The following ECM2 variants were observed in gnomAD, a reference collection of about 807,000 sequenced individuals.
The protein encoded by ECM2 is extracellular matrix protein 2, also known as extracellular matrix protein 2, female organ and adipocyte specific.
Under a neutral mutation model 67.5 loss-of-function variants are expected in ECM2, and 57 were observed. The ratio of observed to expected loss-of-function variants is 0.84; its 90% CI spans 0.68 to 1.05. The LOEUF (loss-of-function observed/expected upper bound fraction) is 1.05. ECM2 is among the 50% of genes least tolerant of loss of function. The pLI is 0.00. For synonymous variants in ECM2, 258 were observed against 294.5 expected (o/e 0.88, Z 1.27); for missense variants, 741 against 822.8 (o/e 0.90, Z 1.22).
At chr9:92,549,291 A>G in the ECM2 span, among the ~76,000 whole-genome samples, 1 of 152,178 alleles carries the variant, frequency 6.6e-6, no homozygotes, top group Non-Finnish European at 1.5e-5. Context: ...TCTCATAACC[A>G]AAACTGTCCA....
chr9:92,498,152 G>C (rs1846463958), intron 9 of ECM2, among the ~76,000 whole-genome samples: 1 of 152,232 alleles, frequency 6.6e-6, no homozygotes, highest in Non-Finnish European at 1.5e-5. Flanking sequence ...CTGCCCTTTT[G>C]TGTAATAATT....
chr9:92,557,349 G>A, the ECM2 span, among the ~76,000 whole-genome samples: 4 of 152,178 alleles, frequency 2.6e-5, no homozygotes, highest in Non-Finnish European at 5.9e-5. Context: ...TGTGCTTCTT[G>A]TATTTGGATG....
At chr9:92,522,495 C>G in intron 2 of ECM2, 80 bp downstream of exon 2, 1 of 1,312,134 alleles carries the variant, frequency 7.6e-7, no homozygotes, top group Non-Finnish European at 1.0e-6. Context: ...TTCTCCCTCT[C>G]TCCCTCTCTC....
the ECM2 span, among the ~76,000 whole-genome samples, chr9:92,548,953 G>A: frequency 2.0e-5 from 3 of 152,174 alleles, no homozygotes; most frequent in East Asian, 5.8e-4. Flanking sequence ...TCCTGAAGAA[G>A]AACAAGGCTA....
intron 1 of ECM2, among the ~76,000 whole-genome samples, chr9:92,531,478 A>C (rs1848746358): frequency 1.3e-5 from 2 of 152,124 alleles, no homozygotes; most frequent in Admixed American, 6.6e-5. Flanking sequence ...TATTTTGTCA[A>C]AGTTTATTTA....
At chr9:92,538,850 G>A (rs72754446), upstream of ECM2, among the ~76,000 whole-genome samples, 6,061 of 152,270 alleles carry the variant, frequency 0.04, 185 homozygotes, top group South Asian at 0.099. Context: ...TGCCTATGAA[G>A]ATTTAGACTC....
upstream of ECM2, chr9:92,538,983 T>C (rs1444983709): frequency 6.6e-6 from 1 of 152,182 alleles, no homozygotes; most frequent in East Asian, 1.9e-4. Flanking sequence ...TATGACAGCT[T>C]TGTAGATATT....
the ECM2 span, among the ~76,000 whole-genome samples, chr9:92,552,188 T>TACACACAC: frequency 5.0e-5 from 5 of 100,124 alleles, no homozygotes; most frequent in South Asian, 2.9e-4. Context: ...AGATCTATCA[T>TACACACAC]ATACACACAC....
chr9:92,515,852 A>C (rs921703928), intron 3 of ECM2, among the ~76,000 whole-genome samples: 2 of 152,152 alleles, frequency 1.3e-5, no homozygotes, highest in African/African-American at 4.8e-5. Context: ...TTCTGGACTT[A>C]AGTGATGTTG....
the ECM2 span, among the ~76,000 whole-genome samples, chr9:92,556,777 C>T: frequency 6.6e-6 from 1 of 152,152 alleles, no homozygotes; most frequent in Non-Finnish European, 1.5e-5. Context: ...TTAGTGAGTC[C>T]TTATCTACTC....
intron 2 of ECM2, among the ~76,000 whole-genome samples, chr9:92,518,444 T>C (rs1847862022): frequency 6.6e-6 from 1 of 152,210 alleles, no homozygotes; most frequent in Non-Finnish European, 1.5e-5. Context: ...CTAGCACTAA[T>C]GATGAGCTCA....
the ECM2 span, among the ~76,000 whole-genome samples, chr9:92,545,299 G>A: frequency 6.6e-6 from 1 of 152,184 alleles, no homozygotes; most frequent in Admixed American, 6.5e-5. Context: ...AACCAGGGCT[G>A]CGTGTGGCAC....
chr9:92,500,722 T>G lies in ECM2; in HGVS notation c.1931+5A>C. ...AAACAGATACTTGAAAAAGCCAAAA[T>G]TTACCGTATCTTGTTGTTGTTCAGC... is the stretch of plus-strand genomic sequence containing the variant. On this transcript the variant is annotated splice_donor_5th_base_variant and intron_variant, in intron 9 of 9. Coordinates refer to ENST00000344604, the MANE Select transcript of ECM2 (RefSeq NM_001393.4). The G allele has an allele frequency of 6.3e-7, 1 of 1,595,818 alleles. No individual in the cohort carries two copies. The highest frequency in any genetic ancestry group is 8.6e-7 in the Non-Finnish European group (1 of 1,169,284).
rs766348124 is a variant in ECM2, at chr9:92,509,991, A to G, written c.1214T>C (p.Leu405Ser). Residue 405 changes from leucine to serine, a missense_variant, in exon 6 of 10, where the codon TTG becomes TCG. Transcript: ENST00000344604. The stretch of plus-strand genomic sequence containing the variant: ...TGGCAATTGTGAAGGAATCTGTATC[A>G]AATTATTTCCATCCATATTCAAACG... ...LMRLNMDGNNLIQIPSQLPST... is the reference protein window; with the variant it reads ...LMRLNMDGNNSIQIPSQLPST... The G allele has an allele frequency of 6.8e-6, 11 of 1,608,542 alleles. No homozygotes were observed. The South Asian group carries it at 1.0e-4, about 15-fold the overall frequency.
intron 9 of ECM2, among the ~76,000 whole-genome samples, chr9:92,498,119 C>T (rs1223488871): frequency 6.6e-6 from 1 of 152,036 alleles, no homozygotes; most frequent in Non-Finnish European, 1.5e-5. Context: ...CAGAATTGGA[C>T]TAAGACATAT....
At chr9:92,546,079 C>T in the ECM2 span, among the ~76,000 whole-genome samples, 2 of 152,106 alleles carry the variant, frequency 1.3e-5, no homozygotes, top group Non-Finnish European at 2.9e-5. Context: ...CACCCTGTGT[C>T]TAGCTCAGGG....
chr9:92,535,525 A>T (rs1274768534), intron 1 of ECM2, among the ~76,000 whole-genome samples: 1 of 152,130 alleles, frequency 6.6e-6, no homozygotes, highest in Admixed American at 6.5e-5. Context: ...ATCTTAAGTA[A>T]ACTTTAAAAA....
At position 92,522,621 on chromosome 9, in the gene ECM2, G is replaced by T; in HGVS notation, c.246C>A (p.Ser82=). ...ATTCTACTCCAGGAAAACTTGAAAA[G>T]GATTCAAACTTTTCCTCCATGCTAT... ...FDYSMEEKFE[S]FSSFPGVESS... Residue 82 remains serine (S), a synonymous_variant, in exon 2 of 10, where the codon TCC becomes TCA. Transcript: ENST00000344604. The T allele has an allele frequency of 1.2e-6, 2 of 1,613,646 alleles. No homozygotes were observed. The highest frequency in any genetic ancestry group is 4.5e-5 in the East Asian group (2 of 44,834).
At chr9:92,497,942 A>G (rs1846450074) in intron 9 of ECM2, among the ~76,000 whole-genome samples, 1 of 151,342 alleles carries the variant, frequency 6.6e-6, no homozygotes, top group Non-Finnish European at 1.5e-5. Flanking sequence ...TTGCCATGTA[A>G]TCTCTACACA....
Sources: allele counts gnomAD v4.1 joint callset (sites outside exome capture counted in the v4.1 genomes callset), GRCh38; gene constraint gnomAD v4.1.1; transcripts MANE v1.5; gene names NCBI Gene and HGNC (gene_info 2026-07-23, HGNC 2026-07-21).